UBP1: variants seen among roughly 807,000 people sequenced by gnomAD.
The protein encoded by UBP1 is upstream-binding protein 1.
UBP1 carries 22 observed loss-of-function variants against 76.1 expected under a neutral mutation model. The observed-to-expected ratio is 0.29, with a 90% CI of 0.21 to 0.41. UBP1 has a LOEUF of 0.41. Ranked by LOEUF, UBP1 falls within the 10% of genes least tolerant of loss-of-function variation. The pLI, the probability that UBP1 is intolerant of heterozygous loss-of-function variation, is 1.00. For synonymous variants in UBP1, 224 were observed against 237.1 expected, an observed-to-expected ratio of 0.94 and a Z score of 0.51; for missense variants, 436 against 668.1, an observed-to-expected ratio of 0.65 and a Z score of 3.83.
Position 33,425,701 on chromosome 3 carries a change from T to A in UBP1, c.154A>T (p.Ser52Cys). 1 of 1,599,446 alleles carries A rather than the reference T, an allele frequency of 6.3e-7. No individual in the cohort carries two copies. The highest frequency in any genetic ancestry group is 1.7e-5 in the Admixed American group (1 of 59,894). The change falls in exon 2 of 16, where the codon AGC becomes TGC. Residue 52 changes from serine (S) to cysteine (C), a missense_variant. This residue lies in a region of UBP1 where 161 missense variants were observed against 237.9 expected (regional missense o/e 0.68). Transcript: ENST00000283629. ...TCTGTTTCACCATCCAATGGAAGGC[T>A]GGAATCTTCCTGCTTGAAAATGGGC... is the stretch of plus-strand genomic sequence containing the variant. ...ALPIFKQEDS[S>C]LPLDGETEHP...
intron 15 of UBP1, chr3:33,391,347 T>C (rs1222062158): frequency 2.0e-5 from 3 of 152,254 alleles, no homozygotes; most frequent in Non-Finnish European, 1.5e-5. Flanking sequence ...CAAATAATTT[T>C]ACATTTAGGA....
At chr3:33,428,624 T>C (rs1463431930) in intron 1 of UBP1, among the ~76,000 whole-genome samples, 1 of 152,110 alleles carries the variant, frequency 6.6e-6, no homozygotes, top group Non-Finnish European at 1.5e-5. Flanking sequence ...AACAAACATA[T>C]AAACATGTAA....
chr3:33,431,102 T>C (rs2045105020), intron 1 of UBP1, among the ~76,000 whole-genome samples: 1 of 152,012 alleles, frequency 6.6e-6, no homozygotes, highest in East Asian at 1.9e-4. Context: ...AATAAAACTG[T>C]CCAAATTAAG....
intron 9 of UBP1, among the ~76,000 whole-genome samples, chr3:33,402,185 A>G (rs2154056184): frequency 6.6e-6 from 1 of 152,336 alleles, no homozygotes; most frequent in South Asian, 2.1e-4. Context: ...CCTAGAATGG[A>G]AAGCCGCCAT....
intron 4 of UBP1, 65 bp from the exon 5 acceptor site, chr3:33,411,752 A>C (rs1056290819): frequency 7.9e-7 from 1 of 1,273,518 alleles, no homozygotes; most frequent in South Asian, 1.2e-5. Context: ...CTTACAACTT[A>C]CTATATTATG....
intron 1 of UBP1, among the ~76,000 whole-genome samples, chr3:33,427,395 C>G (rs1320397176): frequency 1.3e-5 from 2 of 152,176 alleles, no homozygotes; most frequent in African/African-American, 4.8e-5. Context: ...ACGTTTGTAT[C>G]TTAACTTTTC....
Position 33,393,278 on chromosome 3 carries a change from A to T in UBP1, c.1533+34T>A, listed in dbSNP as rs1255922111. ...AATTACATGTATAAAAGTAAATACC[A>T]GTCTGAAAAGGAAAAACAAATGATT... On this transcript the variant is annotated intron_variant, in intron 14 of 15. Coordinates refer to ENST00000283629, the MANE Select transcript of UBP1 (RefSeq NM_014517.5). 2.5e-6 allele frequency: 4 copies of T among 1,573,712 alleles called. No individual in the cohort carries two copies. The Admixed American group carries it at 7.7e-5, about 30-fold the overall frequency.
chr3:33,434,058 T>C (rs958135672), intron 1 of UBP1, among the ~76,000 whole-genome samples: 2 of 152,156 alleles, frequency 1.3e-5, no homozygotes, highest in African/African-American at 4.8e-5. Flanking sequence ...GCCACTATGA[T>C]GAAACATCAA....
At position 33,397,079 on chromosome 3, in the gene UBP1, C is replaced by A; in HGVS notation, c.1237G>T (p.Asp413Tyr). 6.2e-7 allele frequency: 1 copy of A among 1,603,074 alleles called. No individual in the cohort carries two copies. Among genetic ancestry groups the A allele is most frequent in the South Asian group, 1.1e-5 (1 of 89,018 alleles). Reference protein sequence around the residue: ...EDLVQICGAADGIRLYNSLKS... With the variant: ...EDLVQICGAAYGIRLYNSLKS... ...AGTGAATTATAGAGCCGAATTCCATCGGCTGCACCACAAATTTGAACTAAA... is the reference window on the plus strand; with the variant it reads ...AGTGAATTATAGAGCCGAATTCCATAGGCTGCACCACAAATTTGAACTAAA... The change falls in exon 12 of 16, where the codon GAT (aspartate) becomes TAT (tyrosine). Residue 413 changes from aspartate (D) to tyrosine (Y), a missense_variant. Transcript: ENST00000283629.
Position 33,390,380 on chromosome 3 carries a change from G to A in UBP1, c.1586-12C>T. On this transcript the variant is annotated splice_polypyrimidine_tract_variant and intron_variant, in intron 15 of 15. Transcript: ENST00000283629. ...ATCACTACTTTCAGCTGCAGAAAAAGGAAAGACAGTATTTCTTCAGTCAGG... is the reference window on the plus strand; with the variant it reads ...ATCACTACTTTCAGCTGCAGAAAAAAGAAAGACAGTATTTCTTCAGTCAGG... 1 of 1,613,756 alleles carries A rather than the reference G, an allele frequency of 6.2e-7. No individual in the cohort carries two copies. Among genetic ancestry groups the A allele is most frequent in the Non-Finnish European group, 8.5e-7 (1 of 1,179,946 alleles).
intron 1 of UBP1, among the ~76,000 whole-genome samples, chr3:33,426,331 C>T (rs1006192075): frequency 1.3e-5 from 2 of 152,046 alleles, no homozygotes; most frequent in East Asian, 3.9e-4. Context: ...GCAGCAGCTG[C>T]TATTCTCCCC....
At position 33,439,925 on chromosome 3, in the gene UBP1, C is replaced by G; in HGVS notation, c.-77G>C. The G allele has an allele frequency of 9.1e-6, 14 of 1,539,504 alleles. No homozygotes were observed. The highest frequency in any genetic ancestry group is 1.2e-5 in the Non-Finnish European group (14 of 1,129,842). On this transcript the variant is annotated 5_prime_UTR_variant, in exon 1 of 16. Transcript: ENST00000283629. ...AGGAGCCGGAGCTCCGCTGGCGCGTCCTGGGGGAGGGCGCGGGTGAAGCCT... is the reference window on the plus strand; with the variant it reads ...AGGAGCCGGAGCTCCGCTGGCGCGTGCTGGGGGAGGGCGCGGGTGAAGCCT...
intron 2 of UBP1, among the ~76,000 whole-genome samples, chr3:33,424,625 C>A (rs2044980641): frequency 6.6e-6 from 1 of 152,174 alleles, no homozygotes; most frequent in African/African-American, 2.4e-5. Context: ...TGTTTAAAAT[C>A]AGAATTCAAC....
At chr3:33,408,945 CA>C in intron 7 of UBP1, 148 bp from the exon 8 acceptor site, 1 of 876,082 alleles carries the variant, frequency 1.1e-6, no homozygotes. Flanking sequence ...CCAGCAGTGA[CA>C]AAAATTGGAC....
At chr3:33,393,595 A>AT in intron 13 of UBP1, 141 bp from the exon 14 acceptor site, 1 of 714,162 alleles carries the variant, frequency 1.4e-6, no homozygotes, top group Non-Finnish European at 2.0e-6. Context: ...GGAATAAACT[A>AT]TTTCTTTCCC....
In UBP1 at chr3:33,403,108, T is replaced by TAC. The variant is rs774934817; in HGVS notation, c.928-205_928-204insGT. On this transcript the variant is annotated intron_variant, in intron 8 of 15. Coordinates refer to ENST00000283629, the MANE Select transcript of UBP1 (RefSeq NM_014517.5). ...CTGCTGTGTGCGTCTAGACACTGAT[T>TAC]AATCTTAGAGAAGACCTAAAGTGAT... 350 of 519,142 alleles carry TAC rather than the reference T, an allele frequency of 6.7e-4. 1 individual carries two copies. The highest frequency in any genetic ancestry group is 1.8e-3 in the Admixed American group (54 of 30,122). The allele number at this position is 519,142 out of a possible 1,614,324, so 32.2% of individuals were successfully genotyped here. A position where few individuals can be genotyped will look rare whatever the true frequency, so the allele number is the denominator to read the frequency against.
intron 2 of UBP1, among the ~76,000 whole-genome samples, chr3:33,423,068 G>A (rs928285341): frequency 4.7e-5 from 7 of 149,144 alleles, no homozygotes; most frequent in Middle Eastern, 3.5e-3. Context: ...TTGAGACAGA[G>A]TCTCGCTCTG....
At chr3:33,439,689 C>G in intron 1 of UBP1, 47 bp downstream of exon 1, 1 of 1,596,008 alleles carries the variant, frequency 6.3e-7, no homozygotes, top group Non-Finnish European at 8.6e-7. Flanking sequence ...CTGCGCAGGC[C>G]TTCCCCAAGG....
intron 2 of UBP1, among the ~76,000 whole-genome samples, chr3:33,424,029 G>GT (rs2044966371): frequency 6.6e-6 from 1 of 152,214 alleles, no homozygotes; most frequent in African/African-American, 2.4e-5. Flanking sequence ...TGGTATGTAT[G>GT]TAACAGAACT....
Sources: gnomAD v4.1 joint callset for allele counts (sites outside exome capture counted in the v4.1 genomes callset) on GRCh38, gnomAD v4.1.1 for gene constraint, gnomAD v4.1.1 regional missense constraint, MANE v1.5 for transcripts, NCBI Gene and HGNC (gene_info 2026-07-23, HGNC 2026-07-21) for gene names.